Variants in GADL1 observed in about 807,000 individuals in gnomAD.
GADL1 encodes acidic amino acid decarboxylase GADL1.
GADL1 carries 71 observed loss-of-function variants against 69.5 expected under a neutral mutation model. That is an observed-to-expected ratio of 1.02 (90% CI 0.84 to 1.25). The LOEUF is 1.25. Ranked by LOEUF, GADL1 falls within the 50% of genes most tolerant of loss-of-function variation. GADL1 has a pLI of 0.00. For synonymous variants in GADL1, 254 were observed against 214.4 expected, an observed-to-expected ratio of 1.18 and a Z score of -1.62; for missense variants, 737 against 631.8, an observed-to-expected ratio of 1.17 and a Z score of -1.79.
intron 11 of GADL1, among the ~76,000 whole-genome samples, chr3:30,807,769 T>C (rs1246425442): frequency 6.6e-6 from 1 of 152,172 alleles, no homozygotes; most frequent in Non-Finnish European, 1.5e-5. Context: ...TAGTGGCTCA[T>C]GCCTGTAATC....
At chr3:30,751,117 G>T (rs895290600) in intron 14 of GADL1, among the ~76,000 whole-genome samples, 1 of 149,780 alleles carries the variant, frequency 6.7e-6, no homozygotes, top group African/African-American at 2.5e-5. Context: ...AGGCAAGATT[G>T]GGCAGCTTAC....
At chr3:30,884,079 C>T (rs1010989745) in intron 1 of GADL1, among the ~76,000 whole-genome samples, 1 of 151,786 alleles carries the variant, frequency 6.6e-6, no homozygotes, top group African/African-American at 2.4e-5. Context: ...TATTCCACTG[C>T]CAATAAGGAA....
At chr3:30,823,367 G>C (rs1002563431) in intron 11 of GADL1, among the ~76,000 whole-genome samples, 1 of 151,942 alleles carries the variant, frequency 6.6e-6, no homozygotes, top group South Asian at 2.1e-4. Flanking sequence ...AAATTCAAAA[G>C]TATTCATTGT....
intron 14 of GADL1, among the ~76,000 whole-genome samples, chr3:30,765,018 G>A (rs905708487): frequency 4.1e-5 from 6 of 146,108 alleles, no homozygotes; most frequent in African/African-American, 1.5e-4. Flanking sequence ...GCCATCTGTA[G>A]TCACAACTGC....
At chr3:30,887,935 C>T (rs1559369695) in intron 1 of GADL1, among the ~76,000 whole-genome samples, 1 of 152,002 alleles carries the variant, frequency 6.6e-6, no homozygotes, top group Admixed American at 6.6e-5. Context: ...TTTCAGGTCC[C>T]CTATGGATAC....
At chr3:30,872,031 G>A (rs1167206681) in intron 1 of GADL1, among the ~76,000 whole-genome samples, 5 of 151,828 alleles carry the variant, frequency 3.3e-5, no homozygotes, top group African/African-American at 9.7e-5. Flanking sequence ...GGGGCATGAC[G>A]TGCTGCAATT....
intron 14 of GADL1, among the ~76,000 whole-genome samples, chr3:30,772,677 C>A (rs1696442655): frequency 6.6e-6 from 1 of 152,072 alleles, no homozygotes; most frequent in African/African-American, 2.4e-5. Flanking sequence ...GAGTTTGAGA[C>A]CAGCCTGGCC....
intron 14 of GADL1, 47 bp from the exon 15 acceptor site, chr3:30,728,462 G>A (rs748579555): frequency 1.3e-6 from 2 of 1,510,162 alleles, no homozygotes; most frequent in South Asian, 1.1e-5. Flanking sequence ...AGAACATCAA[G>A]GCATTTCAAT....
chr3:30,778,276 T>A lies in GADL1; in HGVS notation c.1303-8A>T. The A allele has an allele frequency of 6.5e-7, 1 of 1,544,400 alleles. No homozygotes were observed. The highest frequency in any genetic ancestry group is 8.9e-7 in the Non-Finnish European group (1 of 1,121,246). On this transcript the variant is annotated splice_region_variant and splice_polypyrimidine_tract_variant and intron_variant, in intron 13 of 14. Coordinates refer to ENST00000282538, the MANE Select transcript of GADL1 (RefSeq NM_207359.3). ...AATATTGGCATATTCAGGCTGAGAA[T>A]TAGAAAAAATATAAAGTTGTTATCT...
At chr3:30,756,803 G>A (rs1695985150) in intron 14 of GADL1, among the ~76,000 whole-genome samples, 1 of 152,054 alleles carries the variant, frequency 6.6e-6, no homozygotes, top group African/African-American at 2.4e-5. Flanking sequence ...CATAGCTGAT[G>A]GCTTGTCTCT....
intron 14 of GADL1, among the ~76,000 whole-genome samples, chr3:30,760,495 C>G (rs1696101906): frequency 6.6e-6 from 1 of 152,162 alleles, no homozygotes; most frequent in Admixed American, 6.5e-5. Flanking sequence ...CTCCTAACAT[C>G]TTACATAAAA....
At chr3:30,893,636 G>GT (rs1187375759) in intron 1 of GADL1, among the ~76,000 whole-genome samples, 2 of 152,010 alleles carry the variant, frequency 1.3e-5, no homozygotes, top group African/African-American at 2.4e-5. Flanking sequence ...AAGTTTTAAA[G>GT]TTTTTTTAAA....
At chr3:30,859,683 G>A (rs1698289436) in intron 2 of GADL1, among the ~76,000 whole-genome samples, 1 of 151,912 alleles carries the variant, frequency 6.6e-6, no homozygotes, top group African/African-American at 2.4e-5. Flanking sequence ...TTAAAAACTG[G>A]CTGATGAAGA....
In GADL1 at chr3:30,810,019, T is replaced by C. The variant is rs1036701572; in HGVS notation, c.1051-8931A>G. On this transcript the variant is annotated intron_variant, in intron 11 of 14. Transcript: ENST00000282538. Reference sequence around the variant, plus strand: ...TGAAGTTTGCTGATACATGAGGTGCTTGTGATTGAATTTCTGTTCTGGTGA... The same window carrying C: ...TGAAGTTTGCTGATACATGAGGTGCCTGTGATTGAATTTCTGTTCTGGTGA... 1.3e-5 allele frequency among the ~76,000 whole-genome samples: 2 copies of C among 152,346 alleles called. 1 individual carries two copies.
At chr3:30,866,672 T>A (rs942860059) in intron 1 of GADL1, among the ~76,000 whole-genome samples, 1 of 151,996 alleles carries the variant, frequency 6.6e-6, no homozygotes, top group Non-Finnish European at 1.5e-5. Flanking sequence ...CAGAGCTTCC[T>A]CCACCATGTT....
chr3:30,820,458 G>A (rs1222374637), intron 11 of GADL1, among the ~76,000 whole-genome samples: 1 of 152,112 alleles, frequency 6.6e-6, no homozygotes, highest in Non-Finnish European at 1.5e-5. Flanking sequence ...GGAAATGCAA[G>A]AGAATAACTT....
chr3:30,833,535 A>C (rs1262686527), intron 11 of GADL1, among the ~76,000 whole-genome samples: 1 of 152,090 alleles, frequency 6.6e-6, no homozygotes. Context: ...AGACTTAATC[A>C]AGGAGAAAAA....
At chr3:30,841,443 C>G (rs1391711291) in intron 8 of GADL1, among the ~76,000 whole-genome samples, 1 of 152,052 alleles carries the variant, frequency 6.6e-6, no homozygotes, top group Admixed American at 6.6e-5. Context: ...GAATAAAACC[C>G]TCTATGCTAG....
At position 30,770,725 on chromosome 3, in the gene GADL1, A is replaced by G. The variant is rs151120382; in HGVS notation, c.1392+7454T>C. 3.3e-3 allele frequency among the ~76,000 whole-genome samples: 507 copies of G among 152,298 alleles called. 4 individuals are homozygous for G. The highest frequency in any genetic ancestry group is 0.012 in the African/African-American group (486 of 41,564). On this transcript the variant is annotated intron_variant, in intron 14 of 14. Coordinates refer to ENST00000282538, the MANE Select transcript of GADL1 (RefSeq NM_207359.3). ...GTGAGCTCAGCCTCAGCCTGCAGAA[A>G]TGCCAGCTTCATTCTTTATTTTAAT...
Sources: gnomAD v4.1 joint callset for allele counts (sites outside exome capture counted in the v4.1 genomes callset) on GRCh38, gnomAD v4.1.1 for gene constraint, MANE v1.5 for transcripts, NCBI Gene and HGNC (gene_info 2026-07-23, HGNC 2026-07-21) for gene names.